Variants in NKAIN3 observed in about 807,000 individuals in gnomAD.
NKAIN3 encodes the protein sodium/potassium transporting ATPase interacting 3.
A neutral mutation model predicts 30.2 loss-of-function variants in NKAIN3; 25 were observed. The observed-to-expected ratio is 0.83, with a 90% confidence interval of 0.60 to 1.16. NKAIN3 has a LOEUF of 1.16. Among genes scored for constraint, NKAIN3 ranks in the 50% most tolerant of loss-of-function variants. The pLI, the probability that NKAIN3 is intolerant of heterozygous loss-of-function variation, is 0.00. For missense variants in NKAIN3, 225 were observed against 254.1 expected (o/e 0.89, Z 0.78); for synonymous variants, 91 against 89.6 (o/e 1.02, Z -0.09).
chr8:62,418,328 A>G (rs1006344121), intron 1 of NKAIN3, among the ~76,000 whole-genome samples: 3 of 152,204 alleles, frequency 2.0e-5, no homozygotes, highest in Non-Finnish European at 4.4e-5. Context: ...AGTGTCCACC[A>G]TTATATCTAG....
At chr8:62,616,323 G>A (rs1586012537) in intron 3 of NKAIN3, among the ~76,000 whole-genome samples, 2 of 152,092 alleles carry the variant, frequency 1.3e-5, no homozygotes, top group African/African-American at 4.8e-5. Flanking sequence ...TCACACTTCT[G>A]TCCAGCCAAC....
At position 62,975,774 on chromosome 8, in the gene NKAIN3, AT is replaced by A. The variant is rs1163826840; in HGVS notation, c.*10371del. On this transcript the variant is annotated 3_prime_UTR_variant, in exon 7 of 7. Transcript: ENST00000623646. ...TAGCGTGTTGATTGTAGATGTTTAG[AT>A]TTTAGATGTTTAGATGTTTCCCACT... Among the ~76,000 whole-genome samples, 1 of 151,872 alleles carries A rather than the reference AT, an allele frequency of 6.6e-6. No individual in the cohort carries two copies.
At chr8:62,911,577 T>C (rs1386380459) in intron 4 of NKAIN3, among the ~76,000 whole-genome samples, 1 of 152,052 alleles carries the variant, frequency 6.6e-6, no homozygotes, top group Non-Finnish European at 1.5e-5. Context: ...AAATCCAGAG[T>C]GTCAGTCATT....
intron 4 of NKAIN3, among the ~76,000 whole-genome samples, chr8:62,767,083 AG>A (rs1816861892): frequency 6.6e-6 from 1 of 151,998 alleles, no homozygotes; most frequent in East Asian, 1.9e-4. Context: ...TTTTTATAAT[AG>A]TACCTCAATT....
intron 3 of NKAIN3, among the ~76,000 whole-genome samples, chr8:62,689,451 ACATTTTG>A (rs1345160645): frequency 6.6e-6 from 1 of 152,172 alleles, no homozygotes; most frequent in Non-Finnish European, 1.5e-5. Flanking sequence ...GATTACTTGT[ACATTTTG>A]CATTTCAGGC....
chr8:62,922,714 T>C (rs1586350898), intron 5 of NKAIN3, among the ~76,000 whole-genome samples: 1 of 152,128 alleles, frequency 6.6e-6, no homozygotes, highest in Middle Eastern at 3.4e-3. Flanking sequence ...TAATAAGCCA[T>C]TAAGAATCTA....
rs569997767 is a variant in NKAIN3 at position 62,316,472 on chromosome 8, C to A, written c.54+67345C>A. On this transcript the variant is annotated intron_variant, in intron 1 of 6. Transcript: ENST00000623646. ...GTCCCCACTCTGTGATGTTCCCCTT[C>A]CTGTGTCCATGTGTTCTCATTGTTC... Among the ~76,000 whole-genome samples, 11 of 151,534 alleles carry A rather than the reference C, an allele frequency of 7.3e-5. No homozygotes were observed. In the South Asian group the frequency reaches 2.1e-3, roughly 29 times the overall value.
intron 1 of NKAIN3, among the ~76,000 whole-genome samples, chr8:62,352,741 A>C (rs1816222542): frequency 6.6e-6 from 1 of 152,178 alleles, no homozygotes; most frequent in Non-Finnish European, 1.5e-5. Context: ...GACACTGTAC[A>C]TCATGTTATA....
intron 1 of NKAIN3, among the ~76,000 whole-genome samples, chr8:62,252,137 GT>G (rs952431673): frequency 8.2e-5 from 12 of 147,088 alleles, no homozygotes; most frequent in Admixed American, 2.0e-4. Flanking sequence ...GAAACCAACT[GT>G]TTTTTTTTTG....
At position 62,604,745 on chromosome 8, in the gene NKAIN3, A is replaced by G. The variant is rs189021681; in HGVS notation, c.273+14951A>G. On this transcript the variant is annotated intron_variant, in intron 3 of 6. Coordinates refer to ENST00000623646, the MANE Select transcript of NKAIN3 (RefSeq NM_001304533.3). ...GTTAATTGAAATTTAGCAAACTTCA[A>G]AGAAAAAGAAAGAATATCCATTTGT... 5.2e-3 allele frequency among the ~76,000 whole-genome samples: 791 copies of G among 152,290 alleles called. 8 individuals carry two copies. Among genetic ancestry groups the G allele is most frequent in the African/African-American group, 0.018 (758 of 41,568 alleles).
intron 4 of NKAIN3, among the ~76,000 whole-genome samples, chr8:62,786,981 G>C (rs531308462): frequency 3.9e-5 from 6 of 152,260 alleles, no homozygotes; most frequent in African/African-American, 1.4e-4. Flanking sequence ...GGGAAACCCA[G>C]GCATTGGCAG....
intron 1 of NKAIN3, among the ~76,000 whole-genome samples, chr8:62,383,762 A>G (rs62509216): frequency 0.14 from 21,055 of 152,200 alleles, 1,743 homozygotes; most frequent in East Asian, 0.4. Flanking sequence ...TGACTTTCTT[A>G]TAGCAATCCT....
intron 5 of NKAIN3, among the ~76,000 whole-genome samples, chr8:62,923,158 T>C (rs907912432): frequency 2.4e-4 from 36 of 151,228 alleles, no homozygotes; most frequent in African/African-American, 8.8e-4. Context: ...CATAGCCGGG[T>C]GTGGTGGTGT....
At chr8:62,607,812 C>G (rs1470780339) in intron 3 of NKAIN3, among the ~76,000 whole-genome samples, 1 of 152,032 alleles carries the variant, frequency 6.6e-6, no homozygotes, top group Non-Finnish European at 1.5e-5. Context: ...TACTGTGTCT[C>G]ATATTTAAAC....
At chr8:62,892,109 G>T (rs192645176) in intron 4 of NKAIN3, among the ~76,000 whole-genome samples, 15 of 152,240 alleles carry the variant, frequency 9.9e-5, no homozygotes, top group African/African-American at 3.6e-4. Context: ...TTTTAGCAAG[G>T]ATTAGATATA....
At chr8:62,862,214 G>A (rs1184916315) in intron 4 of NKAIN3, among the ~76,000 whole-genome samples, 1 of 152,020 alleles carries the variant, frequency 6.6e-6, no homozygotes, top group Admixed American at 6.6e-5. Flanking sequence ...GATTCATCAT[G>A]TTGACATAGT....
chr8:62,506,599 C>T (rs758328870), intron 1 of NKAIN3, among the ~76,000 whole-genome samples: 13 of 151,342 alleles, frequency 8.6e-5, no homozygotes, highest in Middle Eastern at 3.5e-3. Flanking sequence ...CTCAGCCTCC[C>T]GAGTAGCTGG....
chr8:62,763,743 G>T (rs568937842), intron 4 of NKAIN3, among the ~76,000 whole-genome samples: 2 of 152,172 alleles, frequency 1.3e-5, no homozygotes, highest in African/African-American at 4.8e-5. Context: ...AAGAGTTAAC[G>T]AAAGAGGAAA....
chr8:62,720,366 T>C (rs754693363), intron 3 of NKAIN3, among the ~76,000 whole-genome samples: 5 of 152,314 alleles, frequency 3.3e-5, no homozygotes, highest in Non-Finnish European at 7.3e-5. Flanking sequence ...GTACATTCTA[T>C]TACAACTCTC....
Sources: allele counts gnomAD v4.1 joint callset (sites outside exome capture counted in the v4.1 genomes callset), GRCh38; gene constraint gnomAD v4.1.1; transcripts MANE v1.5; gene names NCBI Gene and HGNC (gene_info 2026-07-23, HGNC 2026-07-21).